COL19A1: variants seen among roughly 807,000 people sequenced by gnomAD.
COL19A1 encodes collagen type XIX alpha 1 chain.
In COL19A1, 159 loss-of-function variants were observed where a neutral mutation model predicts 190.2. The observed-to-expected ratio is 0.84, with a 90% CI of 0.73 to 0.95. The LOEUF (loss-of-function observed/expected upper bound fraction) is 0.95, where lower values mean the gene tolerates loss of function less well. COL19A1 is among the 40% of genes least tolerant of loss of function. The probability of loss-of-function intolerance (pLI) is 0.00; values close to 1 mark genes in which losing one functional copy is unlikely to be tolerated. For missense variants in COL19A1, 1,418 were observed against 1,431.9 expected (o/e 0.99, Z 0.16); for synonymous variants, 509 against 458.9 (o/e 1.11, Z -1.39).
At chr6:70,157,163 C>T (rs893576165) in intron 34 of COL19A1, among the ~76,000 whole-genome samples, 5 of 152,076 alleles carry the variant, frequency 3.3e-5, no homozygotes, top group Non-Finnish European at 7.4e-5. Flanking sequence ...TCTGATTAAA[C>T]TTCAGCAACC....
At chr6:70,092,557 C>T (rs1782997437) in intron 15 of COL19A1, among the ~76,000 whole-genome samples, 2 of 152,058 alleles carry the variant, frequency 1.3e-5, no homozygotes, top group African/African-American at 2.4e-5. Flanking sequence ...GCAATTTAAT[C>T]CATTAAATTC....
intron 11 of COL19A1, among the ~76,000 whole-genome samples, chr6:70,018,068 G>T (rs919814974): frequency 6.6e-5 from 10 of 152,264 alleles, no homozygotes; most frequent in African/African-American, 2.4e-4. Flanking sequence ...GCATGTTTCA[G>T]TGTGGTTAGA....
At chr6:70,030,425 A>T (rs1242401188) in intron 12 of COL19A1, among the ~76,000 whole-genome samples, 1 of 152,124 alleles carries the variant, frequency 6.6e-6, no homozygotes, top group Non-Finnish European at 1.5e-5. Context: ...GTCATCCTCC[A>T]CTTGGAATCT....
intron 20 of COL19A1, 50 bp from the exon 21 acceptor site, chr6:70,141,843 T>C: frequency 1.6e-6 from 2 of 1,225,854 alleles, no homozygotes; most frequent in Non-Finnish European, 2.4e-6. Context: ...GAGATGTCCA[T>C]TTCCATCTGA....
chr6:70,100,489 A>G (rs1783559718), intron 15 of COL19A1, among the ~76,000 whole-genome samples: 1 of 151,978 alleles, frequency 6.6e-6, no homozygotes, highest in African/African-American at 2.4e-5. Context: ...AAAATGAAAG[A>G]TAAGAGAAAA....
At chr6:70,073,676 A>G (rs1430980731) in intron 15 of COL19A1, among the ~76,000 whole-genome samples, 1 of 152,166 alleles carries the variant, frequency 6.6e-6, no homozygotes, top group African/African-American at 2.4e-5. Context: ...CTTGAGGCCC[A>G]GTGTTGATCT....
At position 70,141,945 on chromosome 6, in the gene COL19A1, C is replaced by A. The variant is rs560062371; in HGVS notation, c.1518+17C>A. On this transcript the variant is annotated intron_variant, in intron 21 of 50. Transcript: ENST00000620364. ...GGAGTAAAGGTAATTTCCTGGCATT[C>A]TTCAATTTCCTCTCCAACCTTAATG... is the stretch of plus-strand genomic sequence containing the variant. 1.1e-5 allele frequency: 18 copies of A among 1,608,132 alleles called. No homozygotes were observed. Among genetic ancestry groups the A allele is most frequent in the Non-Finnish European group, 1.4e-5 (16 of 1,175,022 alleles).
At chr6:70,109,510 A>G (rs1224676047) in intron 16 of COL19A1, among the ~76,000 whole-genome samples, 1 of 151,538 alleles carries the variant, frequency 6.6e-6, no homozygotes, top group Non-Finnish European at 1.5e-5. Flanking sequence ...ACACGTAGCC[A>G]TGAAATAACC....
chr6:69,934,588 T>A (rs533130082), intron 7 of COL19A1, among the ~76,000 whole-genome samples: 1 of 152,020 alleles, frequency 6.6e-6, no homozygotes, highest in Non-Finnish European at 1.5e-5. Flanking sequence ...GGTTGGTAAT[T>A]CAAAGCAGTG....
intron 11 of COL19A1, among the ~76,000 whole-genome samples, chr6:69,972,982 G>A (rs1387530528): frequency 2.0e-5 from 3 of 152,096 alleles, no homozygotes; most frequent in Non-Finnish European, 2.9e-5. Flanking sequence ...TTTTGTTAAG[G>A]AAATTTATTC....
At chr6:70,032,207 C>T (rs1430076666) in intron 12 of COL19A1, among the ~76,000 whole-genome samples, 1 of 152,094 alleles carries the variant, frequency 6.6e-6, no homozygotes, top group East Asian at 1.9e-4. Flanking sequence ...GGATGAAGAA[C>T]TTGATCTTCT....
intron 11 of COL19A1, chr6:69,973,912 G>A (rs1346220456): frequency 6.6e-6 from 1 of 152,166 alleles, no homozygotes; most frequent in Non-Finnish European, 1.5e-5. Flanking sequence ...CTGAACAAGT[G>A]TGTCCTACCA....
At chr6:70,107,709 T>C (rs1784057975) in intron 16 of COL19A1, among the ~76,000 whole-genome samples, 1 of 152,196 alleles carries the variant, frequency 6.6e-6, no homozygotes, top group Non-Finnish European at 1.5e-5. Context: ...TTTGCATATG[T>C]CACACTTATT....
intron 4 of COL19A1, among the ~76,000 whole-genome samples, chr6:69,917,969 A>G (rs530705488): frequency 1.3e-5 from 2 of 152,292 alleles, no homozygotes; most frequent in Admixed American, 1.3e-4. Context: ...CCTCTGGGAA[A>G]GACTGTCCCA....
chr6:70,149,968 G>T (rs1786942224), intron 29 of COL19A1, 24 bp from the exon 30 acceptor site: 2 of 1,613,636 alleles, frequency 1.2e-6, no homozygotes, highest in Non-Finnish European at 8.5e-7. Flanking sequence ...TGCAAAGATT[G>T]AACATGGATA....
chr6:70,147,847 T>TA (rs1156961014), intron 27 of COL19A1, among the ~76,000 whole-genome samples: 1 of 152,118 alleles, frequency 6.6e-6, no homozygotes, highest in African/African-American at 2.4e-5. Context: ...CAACCAGCTA[T>TA]AAACTGGGAG....
intron 14 of COL19A1, among the ~76,000 whole-genome samples, chr6:70,053,676 A>G (rs1780337202): frequency 6.6e-6 from 1 of 152,204 alleles, no homozygotes; most frequent in Non-Finnish European, 1.5e-5. Context: ...ATTCCCATAG[A>G]AATGAAGTTA....
At chr6:70,160,993 AG>A (rs1787761170) in intron 34 of COL19A1, among the ~76,000 whole-genome samples, 1 of 152,188 alleles carries the variant, frequency 6.6e-6, no homozygotes, top group Admixed American at 6.5e-5. Flanking sequence ...AATGTATCAA[AG>A]TAACAAAACT....
intron 16 of COL19A1, among the ~76,000 whole-genome samples, chr6:70,116,067 T>G (rs1784564858): frequency 6.6e-6 from 1 of 152,130 alleles, no homozygotes; most frequent in South Asian, 2.1e-4. Flanking sequence ...CTAAAGAACA[T>G]TATTGATTTT....
Sources: allele counts gnomAD v4.1 joint callset (sites outside exome capture counted in the v4.1 genomes callset), GRCh38; gene constraint gnomAD v4.1.1; transcripts MANE v1.5; gene names NCBI Gene and HGNC (gene_info 2026-07-23, HGNC 2026-07-21).